COL23A1: variants seen among roughly 807,000 people sequenced by gnomAD.
The protein encoded by COL23A1 is collagen alpha-1(XXIII) chain.
In COL23A1, 97 loss-of-function variants were observed where a neutral mutation model predicts 99.3. The observed-to-expected ratio is 0.98, with a 90% CI of 0.83 to 1.16. The LOEUF (loss-of-function observed/expected upper bound fraction) is 1.16. Ranked by LOEUF, COL23A1 falls within the 50% of genes most tolerant of loss-of-function variation. The pLI is 0.00. For synonymous variants in COL23A1, 320 were observed against 308.2 expected (o/e 1.04, Z -0.40); for missense variants, 762 against 757.4 (o/e 1.01, Z -0.07).
chr5:178,516,710 C>T (rs1759537841), intron 2 of COL23A1, among the ~76,000 whole-genome samples: 1 of 152,204 alleles, frequency 6.6e-6, no homozygotes, highest in South Asian at 2.1e-4. Flanking sequence ...GGTGTTGCTT[C>T]CCTTTGGAAG....
At chr5:178,250,007 A>G in intron 18 of COL23A1, 54 bp downstream of exon 18, 1 of 1,591,126 alleles carries the variant, frequency 6.3e-7, no homozygotes, top group South Asian at 1.1e-5. Flanking sequence ...ACACACACAC[A>G]CAGAGCCCAA....
chr5:178,330,514 A>G (rs996870704), intron 2 of COL23A1, among the ~76,000 whole-genome samples: 2 of 152,046 alleles, frequency 1.3e-5, no homozygotes, highest in Admixed American at 1.3e-4. Flanking sequence ...ATATATGTAC[A>G]TATATGGTGT....
At chr5:178,260,952 A>AT (rs938856833) in intron 11 of COL23A1, among the ~76,000 whole-genome samples, 31 of 152,204 alleles carry the variant, frequency 2.0e-4, no homozygotes, top group African/African-American at 7.5e-4. Flanking sequence ...AGTGTACCAC[A>AT]GCAAGAGTGA....
chr5:178,538,327 A>C (rs1208265077), intron 2 of COL23A1, among the ~76,000 whole-genome samples: 1 of 152,202 alleles, frequency 6.6e-6, no homozygotes, highest in Non-Finnish European at 1.5e-5. Flanking sequence ...TCTAACTTCC[A>C]GTTTGTCAGG....
intron 2 of COL23A1, among the ~76,000 whole-genome samples, chr5:178,357,710 A>ATG (rs1311987026): frequency 9.4e-5 from 10 of 106,264 alleles, no homozygotes; most frequent in African/African-American, 3.2e-4. Flanking sequence ...CAGATTTAAA[A>ATG]TGTGTGTATG....
chr5:178,568,988 G>A (rs1762962386), intron 1 of COL23A1, among the ~76,000 whole-genome samples: 1 of 152,116 alleles, frequency 6.6e-6, no homozygotes, highest in East Asian at 1.9e-4. Flanking sequence ...TTAATTTTTT[G>A]AGGATCCCAC....
intron 2 of COL23A1, among the ~76,000 whole-genome samples, chr5:178,547,003 GCTTGGGGGGCATC>G (rs959187062): frequency 6.6e-6 from 1 of 152,204 alleles, no homozygotes; most frequent in African/African-American, 2.4e-5. Context: ...GGCCTTCCAA[GCTTGGGGGGCATC>G]CTTCTGGGAG....
chr5:178,417,384 C>G (rs4502846), intron 2 of COL23A1, among the ~76,000 whole-genome samples: 44,956 of 152,106 alleles, frequency 0.3, 6,851 homozygotes, highest in Middle Eastern at 0.37. Flanking sequence ...CTGCCTTCCT[C>G]GCTACGTGTA....
At chr5:178,431,404 T>C (rs574716457) in intron 2 of COL23A1, among the ~76,000 whole-genome samples, 1 of 152,342 alleles carries the variant, frequency 6.6e-6, no homozygotes, top group African/African-American at 2.4e-5. Flanking sequence ...TCCCCACAGA[T>C]AGCCCTTCCC....
At chr5:178,467,274 C>T (rs917673495) in intron 2 of COL23A1, among the ~76,000 whole-genome samples, 1 of 152,214 alleles carries the variant, frequency 6.6e-6, no homozygotes, top group African/African-American at 2.4e-5. Context: ...GGGACGCTGA[C>T]CTCTCCTTGT....
intron 2 of COL23A1, among the ~76,000 whole-genome samples, chr5:178,312,894 C>T (rs1458728013): frequency 1.3e-5 from 2 of 152,222 alleles, no homozygotes; most frequent in Non-Finnish European, 2.9e-5. Context: ...CTGAGCCCCA[C>T]AGAAGTCAAG....
At chr5:178,258,306 AGAG>A (rs1261612903) in intron 12 of COL23A1, among the ~76,000 whole-genome samples, 1 of 145,564 alleles carries the variant, frequency 6.9e-6, no homozygotes, top group African/African-American at 2.5e-5. Context: ...GAAGTGGAGA[AGAG>A]AAGAGGATGG....
chr5:178,557,728 G>A (rs908808594), intron 2 of COL23A1, among the ~76,000 whole-genome samples: 7 of 152,316 alleles, frequency 4.6e-5, no homozygotes, highest in African/African-American at 1.7e-4. Flanking sequence ...CGAGGGACAC[G>A]CTGGAGAGCC....
intron 2 of COL23A1, among the ~76,000 whole-genome samples, chr5:178,347,085 G>A (rs371187004): frequency 6.6e-6 from 1 of 152,116 alleles, no homozygotes; most frequent in South Asian, 2.1e-4. Flanking sequence ...GCTTGAGGCC[G>A]CCTCCCCCTC....
chr5:178,331,941 C>T lies in COL23A1; in HGVS notation c.362-25022G>A, dbSNP rs565608363. 3.8e-3 allele frequency among the ~76,000 whole-genome samples: 576 copies of T among 152,296 alleles called. 4 individuals carry two copies. The highest frequency in any genetic ancestry group is 0.013 in the African/African-American group (542 of 41,562). On this transcript the variant is annotated intron_variant, in intron 2 of 28. Transcript: ENST00000390654. ...CTTGGCTAGAGGGTGGGCACAGCTG[C>T]GGGAGGCTGCTGGAGGCCTGGCTGA...
chr5:178,296,523 G>A (rs986777729), intron 3 of COL23A1, among the ~76,000 whole-genome samples: 5 of 152,248 alleles, frequency 3.3e-5, no homozygotes, highest in East Asian at 3.9e-4. Flanking sequence ...AGGCACTTTC[G>A]TCCGTGGGAG....
intron 2 of COL23A1, among the ~76,000 whole-genome samples, chr5:178,350,129 TAC>T (rs759722625): frequency 6.6e-6 from 1 of 152,164 alleles, no homozygotes; most frequent in East Asian, 1.9e-4. Flanking sequence ...TGCCTACAAT[TAC>T]ACTGAGCACT....
At chr5:178,248,947 AGAG>A (rs1288699517) in intron 19 of COL23A1, among the ~76,000 whole-genome samples, 167 bp downstream of exon 19, 1 of 152,148 alleles carries the variant, frequency 6.6e-6, no homozygotes, top group Non-Finnish European at 1.5e-5. Context: ...AGGCCGGGAG[AGAG>A]GAGGACAGCG....
At chr5:178,266,816 C>T (rs962160425) in intron 8 of COL23A1, among the ~76,000 whole-genome samples, 3 of 152,230 alleles carry the variant, frequency 2.0e-5, no homozygotes, top group Non-Finnish European at 2.9e-5. Flanking sequence ...CTCCGCACTG[C>T]GGCTCCCACT....
Sources: gnomAD v4.1 joint callset for allele counts (sites outside exome capture counted in the v4.1 genomes callset) on GRCh38, gnomAD v4.1.1 for gene constraint, MANE v1.5 for transcripts, NCBI Gene and HGNC (gene_info 2026-07-23, HGNC 2026-07-21) for gene names.